Variants in RBFOX1 observed in about 807,000 individuals in gnomAD.
RBFOX1 encodes RNA binding fox-1 homolog 1, also known as RNA binding protein fox-1 homolog 1.
A neutral mutation model predicts 57.7 loss-of-function variants in RBFOX1; 8 were observed. That is an observed-to-expected ratio of 0.14 (90% CI 0.08 to 0.25). RBFOX1 has a LOEUF of 0.25. Ranked by LOEUF, RBFOX1 falls within the 10% of genes least tolerant of loss-of-function variation. The pLI, the probability that RBFOX1 is intolerant of heterozygous loss-of-function variation, is 1.00. For missense variants in RBFOX1, 611 were observed against 548.5 expected, an observed-to-expected ratio of 1.11 and a Z score of -1.14; for synonymous variants, 326 against 222.4, an observed-to-expected ratio of 1.47 and a Z score of -4.15.
intron 4 of RBFOX1, among the ~76,000 whole-genome samples, chr16:7,134,665 A>T (rs2071421344): frequency 6.6e-6 from 1 of 152,204 alleles, no homozygotes; most frequent in Non-Finnish European, 1.5e-5. Context: ...GTCAGCTTTC[A>T]TTCACATCAA....
chr16:7,414,809 G>C (rs1050729960), intron 4 of RBFOX1, among the ~76,000 whole-genome samples: 9 of 152,060 alleles, frequency 5.9e-5, no homozygotes, highest in Non-Finnish European at 1.0e-4. Context: ...GTAGAGATGG[G>C]GTTTTGCCAT....
chr16:5,817,717 G>A (rs972957280), intron 3 of RBFOX1, among the ~76,000 whole-genome samples: 1 of 143,390 alleles, frequency 7.0e-6, no homozygotes, highest in Non-Finnish European at 1.5e-5. Context: ...TTTTTTTTGA[G>A]ACGGAGTCTT....
intron 3 of RBFOX1, among the ~76,000 whole-genome samples, chr16:6,787,605 C>T (rs983764642): frequency 6.6e-6 from 1 of 152,098 alleles, no homozygotes; most frequent in African/African-American, 2.4e-5. Flanking sequence ...AGTCTCTGTT[C>T]TCCATCCACT....
intron 4 of RBFOX1, among the ~76,000 whole-genome samples, chr16:7,174,142 A>G (rs537950808): frequency 1.3e-5 from 2 of 152,230 alleles, no homozygotes; most frequent in East Asian, 1.9e-4. Context: ...TGTGATCTGC[A>G]TCTGGATTAT....
intron 2 of RBFOX1, among the ~76,000 whole-genome samples, chr16:5,545,970 G>A (rs536745479): frequency 6.6e-6 from 1 of 152,146 alleles, no homozygotes; most frequent in African/African-American, 2.4e-5. Context: ...TATGAATTTA[G>A]TGAGATTATA....
chr16:7,564,910 AT>A (rs1241196462), intron 5 of RBFOX1, among the ~76,000 whole-genome samples: 1 of 152,188 alleles, frequency 6.6e-6, no homozygotes, highest in Non-Finnish European at 1.5e-5. Flanking sequence ...CATTGAATTC[AT>A]TCGAGTTGCA....
intron 4 of RBFOX1, among the ~76,000 whole-genome samples, chr16:7,490,398 C>A (rs1306872661): frequency 6.6e-6 from 1 of 152,170 alleles, no homozygotes; most frequent in Admixed American, 6.5e-5. Flanking sequence ...GAGCTTGTAG[C>A]TACTCACTAG....
At chr16:6,818,992 A>T (rs549135278) in intron 3 of RBFOX1, among the ~76,000 whole-genome samples, 35 of 84,630 alleles carry the variant, frequency 4.1e-4, no homozygotes, top group African/African-American at 1.1e-3. Context: ...CTGAGAATCA[A>T]ACTTGACACA....
intron 3 of RBFOX1, among the ~76,000 whole-genome samples, chr16:6,947,459 T>A (rs936645249): frequency 1.3e-5 from 2 of 152,216 alleles, no homozygotes; most frequent in Non-Finnish European, 2.9e-5. Flanking sequence ...TTCATCCGGC[T>A]GAGAACATAT....
downstream of RBFOX1, among the ~76,000 whole-genome samples, chr16:5,604,952 A>G (rs888272255): frequency 6.6e-6 from 1 of 152,200 alleles, no homozygotes; most frequent in Non-Finnish European, 1.5e-5. Flanking sequence ...ACCTTTTGGA[A>G]TTTAGCAAAA....
intron 2 of RBFOX1, chr16:6,483,515 C>G: frequency 6.5e-7 from 1 of 1,535,598 alleles, no homozygotes; most frequent in Admixed American, 2.0e-5. Flanking sequence ...ATCTTGGCAG[C>G]TAATTGCAGT....
At chr16:6,684,081 C>T (rs1489772464) in intron 3 of RBFOX1, among the ~76,000 whole-genome samples, 1 of 152,146 alleles carries the variant, frequency 6.6e-6, no homozygotes, top group Non-Finnish European at 1.5e-5. Context: ...TTTGTGTGTA[C>T]ACGGTATGTT....
At chr16:5,467,196 C>CTTTT in intron 1 of RBFOX1, 1 of 1,057,736 alleles carries the variant, frequency 9.5e-7, no homozygotes, top group Non-Finnish European at 1.3e-6. Context: ...CTCTCTCTCT[C>CTTTT]TTTTTTTTTT....
chr16:6,212,288 A>T (rs973476982), intron 1 of RBFOX1, among the ~76,000 whole-genome samples: 4 of 152,222 alleles, frequency 2.6e-5, no homozygotes, highest in Non-Finnish European at 5.9e-5. Context: ...ATGTAAAAGA[A>T]TTGTATATAG....
In RBFOX1 at chr16:6,917,729, G is replaced by A. The variant is rs568183319; in HGVS notation, c.-15-134328G>A. On this transcript the variant is annotated intron_variant, in intron 3 of 15. Coordinates refer to ENST00000550418, the MANE Select transcript of RBFOX1 (RefSeq NM_018723.4). ...TCCCCTTTGCTTCGATGGGAACCTC[G>A]GCATTCCAAGTGGACATATTTCATA... is the stretch of plus-strand genomic sequence containing the variant. 5.3e-5 allele frequency among the ~76,000 whole-genome samples: 8 copies of A among 152,248 alleles called. No individual in the cohort carries two copies. In the East Asian group the frequency reaches 1.2e-3, roughly 22 times the overall value.
rs78553264 is a variant in RBFOX1 at position 6,678,438 on chromosome 16, A to T, written c.-16+23788A>T. ...TGCACCTGGCCAAAAGTTATTTATG[A>T]TATATAATATGTTTAGGTGTGTGTA... On this transcript the variant is annotated intron_variant, in intron 3 of 15. Transcript: ENST00000550418. Among the ~76,000 whole-genome samples the T allele has an allele frequency of 3.7e-3, 563 of 151,830 alleles. 15 individuals are homozygous for T. The East Asian group carries it at 0.05, about 13-fold the overall frequency.
At chr16:7,237,578 T>G (rs1032180421) in intron 4 of RBFOX1, among the ~76,000 whole-genome samples, 2 of 152,254 alleles carry the variant, frequency 1.3e-5, no homozygotes, top group African/African-American at 4.8e-5. Flanking sequence ...TGGCTTCCTA[T>G]GTCAACTCTG....
rs1383563470 is a variant in RBFOX1 at position 6,654,626 on chromosome 16, C to T, written c.-40C>T. Reference sequence around the variant, plus strand: ...AGGATATCAAAGCAGACTGCAATACCTGCGTGGAAATAGAAGACAGAAAGG... The same window carrying T: ...AGGATATCAAAGCAGACTGCAATACTTGCGTGGAAATAGAAGACAGAAAGG... On this transcript the variant is annotated 5_prime_UTR_variant, in exon 3 of 16. Coordinates refer to ENST00000550418, the MANE Select transcript of RBFOX1 (RefSeq NM_018723.4). 2 of 1,510,450 alleles carry T rather than the reference C, an allele frequency of 1.3e-6. No individual in the cohort carries two copies. The highest frequency in any genetic ancestry group is 2.3e-5 in the Admixed American group (1 of 43,928). 93.6% of individuals were successfully genotyped at this position (1,510,450 alleles called of 1,614,324 possible).
At chr16:7,527,744 G>T (rs1186592283) in intron 5 of RBFOX1, among the ~76,000 whole-genome samples, 1 of 152,084 alleles carries the variant, frequency 6.6e-6, no homozygotes, top group African/African-American at 2.4e-5. Flanking sequence ...TTAGCACAAT[G>T]ACAAACACAT....
Sources: allele counts gnomAD v4.1 joint callset (sites outside exome capture counted in the v4.1 genomes callset), GRCh38; gene constraint gnomAD v4.1.1; transcripts MANE v1.5; gene names NCBI Gene and HGNC (gene_info 2026-07-23, HGNC 2026-07-21).